GRID2: variants seen among roughly 807,000 people sequenced by gnomAD.
The protein encoded by GRID2 is glutamate receptor ionotropic, delta-2.
In GRID2, 33 loss-of-function variants were observed where a neutral mutation model predicts 114.8. The observed-to-expected ratio is 0.29, with a 90% CI of 0.22 to 0.38. The LOEUF (loss-of-function observed/expected upper bound fraction) is 0.38, where lower values mean the gene tolerates loss of function less well. GRID2 is among the 10% of genes least tolerant of loss of function. The probability of loss-of-function intolerance (pLI) is 1.00; values close to 1 mark genes in which losing one functional copy is unlikely to be tolerated. For missense variants in GRID2, 1,184 were observed against 1,257.7 expected (o/e 0.94, Z 0.89); for synonymous variants, 505 against 449.9 (o/e 1.12, Z -1.55).
chr4:93,538,871 GA>G (rs151122863), intron 13 of GRID2, among the ~76,000 whole-genome samples: 381 of 145,192 alleles, frequency 2.6e-3, no homozygotes, highest in South Asian at 0.014. Context: ...GTTGGGAACA[GA>G]AAAAAAAAAG....
intron 2 of GRID2, among the ~76,000 whole-genome samples, chr4:93,064,308 T>G (rs1728072879): frequency 6.6e-6 from 1 of 151,700 alleles, no homozygotes; most frequent in Non-Finnish European, 1.5e-5. Flanking sequence ...CTATGCATTT[T>G]CTTTTTCTGC....
chr4:93,064,114 T>G (rs1299270345), intron 2 of GRID2, among the ~76,000 whole-genome samples: 1 of 121,780 alleles, frequency 8.2e-6, no homozygotes, highest in African/African-American at 3.2e-5. Context: ...CTTATAACAT[T>G]AATTTATTAA....
intron 14 of GRID2, among the ~76,000 whole-genome samples, chr4:93,716,434 T>G (rs1017578281): frequency 1.3e-5 from 2 of 152,118 alleles, no homozygotes; most frequent in Non-Finnish European, 2.9e-5. Flanking sequence ...ACTCAAAATA[T>G]AGCAGGGACA....
intron 2 of GRID2, among the ~76,000 whole-genome samples, chr4:92,936,707 G>A (rs1231637757): frequency 2.7e-5 from 4 of 145,994 alleles, no homozygotes; most frequent in African/African-American, 9.7e-5. Context: ...TCAATTAAGA[G>A]ATTTTTGGAA....
intron 2 of GRID2, among the ~76,000 whole-genome samples, chr4:92,692,460 T>C (rs1167973818): frequency 6.6e-6 from 1 of 152,226 alleles, no homozygotes; most frequent in Non-Finnish European, 1.5e-5. Context: ...ATTTATATCC[T>C]CTGTATCATT....
intron 2 of GRID2, among the ~76,000 whole-genome samples, chr4:92,710,271 AAAGAG>A (rs1735179761): frequency 7.1e-6 from 1 of 140,106 alleles, no homozygotes; most frequent in Non-Finnish European, 1.6e-5. Context: ...GTAATTGCTA[AAAGAG>A]AAGAAAATAG....
chr4:92,627,126 TAAA>T (rs1730560184), intron 2 of GRID2, among the ~76,000 whole-genome samples: 1 of 152,018 alleles, frequency 6.6e-6, no homozygotes, highest in South Asian at 2.1e-4. Context: ...AAACATACTT[TAAA>T]AATTAGATAC....
chr4:92,571,935 A>G (rs576401362), intron 1 of GRID2, among the ~76,000 whole-genome samples: 45 of 152,332 alleles, frequency 3.0e-4, no homozygotes, highest in African/African-American at 7.2e-4. Flanking sequence ...AAAGTAGAAA[A>G]GATCTAAAAT....
At chr4:92,696,909 C>T (rs1317484580) in intron 2 of GRID2, among the ~76,000 whole-genome samples, 1 of 152,110 alleles carries the variant, frequency 6.6e-6, no homozygotes, top group Non-Finnish European at 1.5e-5. Flanking sequence ...TTCTAATAGA[C>T]TCCACACTTC....
intron 2 of GRID2, among the ~76,000 whole-genome samples, chr4:92,800,541 A>G (rs1390314530): frequency 6.6e-6 from 1 of 152,020 alleles, no homozygotes; most frequent in Non-Finnish European, 1.5e-5. Context: ...CCACAGTCAC[A>G]TATACATGGT....
chr4:93,112,641 A>T (rs964021657), intron 4 of GRID2, among the ~76,000 whole-genome samples: 2 of 152,080 alleles, frequency 1.3e-5, no homozygotes, highest in Middle Eastern at 3.2e-3. Flanking sequence ...TATAGCAGAG[A>T]TAATGCTAGT....
chr4:92,461,102 C>T (rs1479728516), intron 1 of GRID2, among the ~76,000 whole-genome samples: 1 of 151,060 alleles, frequency 6.6e-6, no homozygotes, highest in Non-Finnish European at 1.5e-5. Flanking sequence ...ATATAACTTT[C>T]TTTCTTATAT....
At chr4:93,393,578 G>T (rs1765057165) in intron 8 of GRID2, among the ~76,000 whole-genome samples, 1 of 151,816 alleles carries the variant, frequency 6.6e-6, no homozygotes, top group Non-Finnish European at 1.5e-5. Context: ...TCATTGTTTG[G>T]AACCTCCAAA....
intron 2 of GRID2, among the ~76,000 whole-genome samples, chr4:92,928,602 G>T (rs1750003439): frequency 6.6e-6 from 1 of 151,504 alleles, no homozygotes; most frequent in South Asian, 2.1e-4. Flanking sequence ...ACATTTACTT[G>T]AGATGCATTC....
chr4:92,322,184 C>A (rs910934793), intron 1 of GRID2, among the ~76,000 whole-genome samples: 2 of 151,958 alleles, frequency 1.3e-5, no homozygotes, highest in Non-Finnish European at 2.9e-5. Context: ...AAGTTGAAAG[C>A]CTTTCTGGTA....
intron 10 of GRID2, among the ~76,000 whole-genome samples, chr4:93,435,207 A>T (rs1317860575): frequency 2.0e-5 from 3 of 152,180 alleles, no homozygotes; most frequent in African/African-American, 7.2e-5. Context: ...ATATCTAGAA[A>T]ATATTTGTAC....
At chr4:93,317,897 T>C (rs1455547000) in intron 8 of GRID2, among the ~76,000 whole-genome samples, 2 of 150,008 alleles carry the variant, frequency 1.3e-5, no homozygotes. Flanking sequence ...TAAATAAATA[T>C]ATATTTAAAC....
Position 93,422,901 on chromosome 4 carries a change from A to C in GRID2, c.1478A>C (p.Asp493Ala), listed in dbSNP as rs373203901. The C allele has an allele frequency of 1.2e-6, 2 of 1,613,890 alleles. No individual in the cohort carries two copies. The highest frequency in any genetic ancestry group is 1.7e-6 in the Non-Finnish European group (2 of 1,179,798). Residue 493 changes from aspartate to alanine, a missense_variant, in exon 10 of 16, where the codon GAT becomes GCT. Physicochemically the swap from Asp to Ala is moderately radical, Grantham distance 126. Around this residue, in one of 3 missense-constraint regions of GRID2, gnomAD observed 717 missense variants for 796.9 expected, o/e 0.90. Coordinates refer to ENST00000282020, the MANE Select transcript of GRID2 (RefSeq NM_001510.4). ...GFNYEIYVAPDHKYGSPQEDG... is the reference protein window; with the variant it reads ...GFNYEIYVAPAHKYGSPQEDG... ...AACTACGAAATTTACGTAGCACCGG[A>C]TCACAAATACGGAAGCCCACAAGAA...
intron 2 of GRID2, among the ~76,000 whole-genome samples, chr4:92,777,537 TA>T (rs1738868663): frequency 6.6e-6 from 1 of 152,068 alleles, no homozygotes; most frequent in East Asian, 1.9e-4. Flanking sequence ...CATCGCTTCT[TA>T]AACGAGATGA....
Sources: gnomAD v4.1 joint callset for allele counts (sites outside exome capture counted in the v4.1 genomes callset) on GRCh38, gnomAD v4.1.1 for gene constraint, gnomAD v4.1.1 regional missense constraint, MANE v1.5 for transcripts, NCBI Gene and HGNC (gene_info 2026-07-23, HGNC 2026-07-21) for gene names.